CDKL1: variants seen among roughly 807,000 people sequenced by gnomAD.
The protein encoded by CDKL1 is cyclin dependent kinase like 1.
In CDKL1, 41 loss-of-function variants were observed where a neutral mutation model predicts 42.0. The ratio of observed to expected loss-of-function variants is 0.98; its 90% confidence interval spans 0.76 to 1.27. The LOEUF (loss-of-function observed/expected upper bound fraction) is 1.27, where lower values mean the gene tolerates loss of function less well. CDKL1 is among the 50% of genes most tolerant of loss of function. The pLI is 0.00. For missense variants in CDKL1, 394 were observed against 428.4 expected (o/e 0.92, Z 0.71); for synonymous variants, 153 against 158.6 (o/e 0.96, Z 0.26).
At chr14:50,385,803 C>CAAAAA (rs4027866) in intron 2 of CDKL1, among the ~76,000 whole-genome samples, 4 of 77,558 alleles carry the variant, frequency 5.2e-5, no homozygotes, top group African/African-American at 9.6e-5. Context: ...GACTCCGTCC[C>CAAAAA]AAAAAAAAAA....
At chr14:50,339,952 T>C (rs1395832867) in intron 6 of CDKL1, among the ~76,000 whole-genome samples, 7 of 152,128 alleles carry the variant, frequency 4.6e-5, no homozygotes, top group East Asian at 1.9e-4. Flanking sequence ...GAAATTTACC[T>C]CTCACTCAAA....
intron 4 of CDKL1, chr14:50,342,985 G>GC (rs757616202): frequency 2.7e-5 from 36 of 1,355,574 alleles, no homozygotes; most frequent in African/African-American, 2.1e-4. Flanking sequence ...TCGAGATGCG[G>GC]CCCCCCCTCC....
chr14:50,356,471 T>C (rs576566983), intron 3 of CDKL1, among the ~76,000 whole-genome samples: 5 of 152,326 alleles, frequency 3.3e-5, no homozygotes, highest in African/African-American at 9.6e-5. Flanking sequence ...AAATGTGGTA[T>C]ATACACACCA....
chr14:50,378,243 T>G, intron 2 of CDKL1: 1 of 1,366,336 alleles, frequency 7.3e-7, no homozygotes, highest in Non-Finnish European at 9.8e-7. Flanking sequence ...CTGTCCTCCT[T>G]AGATTCTACC....
chr14:50,335,411 TA>T (rs2033209529), intron 7 of CDKL1: 8 of 1,384,450 alleles, frequency 5.8e-6, no homozygotes, highest in Non-Finnish European at 7.9e-6. Context: ...TTTTCTGGAA[TA>T]AACACTGTTG....
chr14:50,371,190 T>C (rs1435834942), intron 2 of CDKL1, among the ~76,000 whole-genome samples: 1 of 152,252 alleles, frequency 6.6e-6, no homozygotes, highest in African/African-American at 2.4e-5. Context: ...ACTTTGGCTA[T>C]TGTGAACAGT....
intron 2 of CDKL1, among the ~76,000 whole-genome samples, chr14:50,391,537 C>G (rs1357359257): frequency 6.6e-6 from 1 of 152,132 alleles, no homozygotes; most frequent in African/African-American, 2.4e-5. Context: ...TGCCTGACAC[C>G]ACGCTTGCCT....
At chr14:50,377,843 TCA>T in intron 2 of CDKL1, 1 of 701,438 alleles carries the variant, frequency 1.4e-6, no homozygotes, top group Non-Finnish European at 2.0e-6. Context: ...AATGACAGGG[TCA>T]GGTTAGCCAC....
At chr14:50,351,102 T>C (rs983102543) in intron 3 of CDKL1, among the ~76,000 whole-genome samples, 1 of 152,000 alleles carries the variant, frequency 6.6e-6, no homozygotes, top group Admixed American at 6.6e-5. Flanking sequence ...GGGGGTGTCA[T>C]TTGAAATCCC....
At chr14:50,335,459 C>T (rs776446698) in intron 7 of CDKL1, 12 of 1,535,566 alleles carry the variant, frequency 7.8e-6, no homozygotes, top group Non-Finnish European at 9.6e-6. Context: ...CCCTTCTCAG[C>T]CTGCTGTTTA....
intron 2 of CDKL1, among the ~76,000 whole-genome samples, chr14:50,379,220 G>C (rs1282364458): frequency 6.6e-6 from 1 of 152,178 alleles, no homozygotes; most frequent in Non-Finnish European, 1.5e-5. Flanking sequence ...AGGCAGACAT[G>C]CTGGAAGTGC....
intron 2 of CDKL1, among the ~76,000 whole-genome samples, chr14:50,379,315 T>C (rs749761579): frequency 2.0e-5 from 3 of 152,156 alleles, no homozygotes; most frequent in Non-Finnish European, 4.4e-5. Context: ...CTGCAGGACC[T>C]ACCACCTGAT....
rs775969317 is a variant in CDKL1 at position 50,378,466 on chromosome 14, C to G, written c.168+17235G>C. The G allele has an allele frequency of 5.2e-6, 7 of 1,358,118 alleles. No individual in the cohort carries two copies. The South Asian group carries it at 8.0e-5, about 15-fold the overall frequency. 84.1% of individuals were successfully genotyped at this position (1,358,118 alleles called of 1,614,324 possible). A position where few individuals can be genotyped will look rare whatever the true frequency, so the allele number is the denominator to read the frequency against. On this transcript the variant is annotated intron_variant, in intron 2 of 9. Transcript: ENST00000395834. ...GGGGAAATTCATTAATATGAGAGCA[C>G]TACACTGTCGCATAACTTGGGACTT... is the stretch of plus-strand genomic sequence containing the variant.
chr14:50,382,768 AT>A (rs112937091), intron 2 of CDKL1, among the ~76,000 whole-genome samples: 48,549 of 151,680 alleles, frequency 0.32, 8,148 homozygotes, highest in African/African-American at 0.38. Flanking sequence ...TAATTTTCAC[AT>A]TTTTTGTAGA....
At position 50,329,297 on chromosome 14, in the gene CDKL1, A is replaced by G. The variant is rs1375694319; in HGVS notation, c.*777T>C. The G allele has an allele frequency of 2.6e-5, 4 of 152,156 alleles. No individual in the cohort carries two copies. The highest frequency in any genetic ancestry group is 5.9e-5 in the Non-Finnish European group (4 of 68,044). 9.4% of individuals were successfully genotyped at this position (152,156 alleles called of 1,614,324 possible). On this transcript the variant is annotated 3_prime_UTR_variant, in exon 10 of 10. Coordinates refer to ENST00000395834, the MANE Select transcript of CDKL1 (RefSeq NM_004196.7). ...TAGGTTCAGTTCCTGCAAAGCCTGT[A>G]GGTCTTGCTCTACCCTTTGACTGCC...
intron 2 of CDKL1, among the ~76,000 whole-genome samples, chr14:50,378,953 G>A (rs1379146451): frequency 6.6e-6 from 1 of 151,864 alleles, no homozygotes; most frequent in Non-Finnish European, 1.5e-5. Flanking sequence ...CTGGGCTTAA[G>A]AGATTCTGTC....
rs1430849400 is a variant in CDKL1 at position 50,326,867 on chromosome 14, C to T, written c.*3207G>A. ...ACCAATTTGGGCAACACAGTGAGAC[C>T]CCATCTCTAAAAAAATTTTAAAAAT... On this transcript the variant is annotated 3_prime_UTR_variant, in exon 10 of 10. Coordinates refer to ENST00000395834, the MANE Select transcript of CDKL1 (RefSeq NM_004196.7). The T allele has an allele frequency of 7.1e-6, 4 of 560,576 alleles. No individual in the cohort carries two copies. The highest frequency in any genetic ancestry group is 9.0e-6 in the Non-Finnish European group (4 of 442,710). 34.7% of individuals were successfully genotyped at this position (560,576 alleles called of 1,614,324 possible). A position where few individuals can be genotyped will look rare whatever the true frequency, so the allele number is the denominator to read the frequency against.
At chr14:50,397,039 C>A, upstream of CDKL1, 3 of 1,291,222 alleles carry the variant, frequency 2.3e-6, no homozygotes, top group Non-Finnish European at 3.1e-6. Context: ...CGCCCTCCGT[C>A]CATGGGAGCT....
At chr14:50,342,373 C>G (rs1378927933) in intron 4 of CDKL1, 151 bp from the exon 5 acceptor site, 3 of 1,428,096 alleles carry the variant, frequency 2.1e-6, no homozygotes, top group Non-Finnish European at 2.7e-6. Context: ...TAAAATAAAT[C>G]TAGTACCATG....
Sources: gnomAD v4.1 joint callset for allele counts (sites outside exome capture counted in the v4.1 genomes callset) on GRCh38, gnomAD v4.1.1 for gene constraint, MANE v1.5 for transcripts, NCBI Gene and HGNC (gene_info 2026-07-23, HGNC 2026-07-21) for gene names.